SLC23A2: variants seen among roughly 807,000 people sequenced by gnomAD.
The protein encoded by SLC23A2 is solute carrier family 23 member 2.
SLC23A2 carries 36 observed loss-of-function variants against 73.3 expected under a neutral mutation model. The ratio of observed to expected loss-of-function variants is 0.49; its 90% confidence interval spans 0.38 to 0.65. SLC23A2 has a LOEUF of 0.65. Among genes scored for constraint, SLC23A2 ranks in the 30% least tolerant of loss-of-function variants. SLC23A2 has a pLI of 0.00. For missense variants in SLC23A2, 507 were observed against 841.6 expected (o/e 0.60, Z 4.92); for synonymous variants, 343 against 327.3 (o/e 1.05, Z -0.52).
intron 4 of SLC23A2, among the ~76,000 whole-genome samples, chr20:4,910,738 A>G (rs1446606107): frequency 1.3e-5 from 2 of 152,146 alleles, no homozygotes; most frequent in Non-Finnish European, 2.9e-5. Context: ...GCCCAGCCCA[A>G]CTAGCACTAT....
At chr20:4,924,544 C>T (rs1932607645) in intron 3 of SLC23A2, among the ~76,000 whole-genome samples, 1 of 152,212 alleles carries the variant, frequency 6.6e-6, no homozygotes, top group African/African-American at 2.4e-5. Flanking sequence ...CCCCACTAGG[C>T]AGAGCATGTC....
intron 3 of SLC23A2, among the ~76,000 whole-genome samples, chr20:4,931,764 G>T (rs1169293695): frequency 5.3e-5 from 8 of 151,856 alleles, no homozygotes; most frequent in Admixed American, 5.2e-4. Context: ...GCGAGGCCTT[G>T]TCTCAAAAAA....
intron 2 of SLC23A2, among the ~76,000 whole-genome samples, chr20:4,946,765 C>T (rs567675844): frequency 1.2e-4 from 19 of 152,196 alleles, no homozygotes; most frequent in African/African-American, 4.3e-4. Flanking sequence ...GGTGACAAGA[C>T]GATAACTCAT....
chr20:4,881,478 T>G (rs763603348), intron 9 of SLC23A2, among the ~76,000 whole-genome samples: 1 of 152,244 alleles, frequency 6.6e-6, no homozygotes, highest in African/African-American at 2.4e-5. Context: ...CTTTTTGTTT[T>G]AATTTGGGGG....
intron 11 of SLC23A2, among the ~76,000 whole-genome samples, chr20:4,871,102 T>C (rs1930429801): frequency 6.6e-6 from 1 of 152,186 alleles, no homozygotes; most frequent in Non-Finnish European, 1.5e-5. Flanking sequence ...ATAGACTCCT[T>C]TGATAAAGGA....
At chr20:4,860,869 C>T (rs1161206363) in intron 15 of SLC23A2, among the ~76,000 whole-genome samples, 1 of 152,230 alleles carries the variant, frequency 6.6e-6, no homozygotes, top group East Asian at 1.9e-4. Flanking sequence ...GGTGAAACCC[C>T]GTCTCTACTA....
chr20:4,938,616 T>G (rs562062180), intron 2 of SLC23A2, among the ~76,000 whole-genome samples: 1 of 152,170 alleles, frequency 6.6e-6, no homozygotes, highest in Non-Finnish European at 1.5e-5. Flanking sequence ...TGAGCCACCA[T>G]GCCGGGCCCC....
Position 4,853,259 on chromosome 20 carries a change from C to T in SLC23A2, c.*3713G>A, listed in dbSNP as rs1288937239. The stretch of plus-strand genomic sequence containing the variant: ...GCCTATGCCTATAGCGAGTGTACAC[C>T]CCATGCACGGCCATCCCCCAGGATG... On this transcript the variant is annotated 3_prime_UTR_variant, in exon 17 of 17. Coordinates refer to ENST00000338244, the MANE Select transcript of SLC23A2 (RefSeq NM_005116.6). 1 of 152,512 alleles carries T rather than the reference C, an allele frequency of 6.6e-6. No individual in the cohort carries two copies. The highest frequency in any genetic ancestry group is 2.4e-5 in the African/African-American group (1 of 41,454). The allele number at this position is 152,512 out of a possible 1,614,324, so 9.4% of individuals were successfully genotyped here.
chr20:4,871,158 G>T (rs1442811118), intron 11 of SLC23A2, among the ~76,000 whole-genome samples: 3 of 152,180 alleles, frequency 2.0e-5, no homozygotes, highest in Non-Finnish European at 1.5e-5. Context: ...CACTCACTGA[G>T]CAGAAAGCAC....
At chr20:5,001,135 G>A (rs1487445253) in intron 1 of SLC23A2, among the ~76,000 whole-genome samples, 1 of 151,794 alleles carries the variant, frequency 6.6e-6, no homozygotes. Flanking sequence ...GCGGGAAGGG[G>A]TGGGTACCCC....
In SLC23A2 at chr20:4,883,660, T is replaced by C; in HGVS notation, c.806A>G (p.His269Arg). The change falls in exon 9 of 17, where the codon CAC becomes CGC. Residue 269 changes from histidine to arginine, a missense_variant. Coordinates refer to ENST00000338244, the MANE Select transcript of SLC23A2 (RefSeq NM_005116.6). The surrounding 1 kb of genome is among the most constrained non-coding windows in gnomAD (Gnocchi z 4.5). ...CACTTACAGCATGGCAATGCCCCAG[T>C]GCTTCCCGGCTCTCTCCCCCGCTGC... ...FQAAGERAGK[H>R]WGIAMLTIFL... The C allele has an allele frequency of 6.2e-7, 1 of 1,612,144 alleles. No individual in the cohort carries two copies. The highest frequency in any genetic ancestry group is 8.5e-7 in the Non-Finnish European group (1 of 1,178,970).
At chr20:4,966,194 G>A (rs1041201723) in intron 2 of SLC23A2, among the ~76,000 whole-genome samples, 2 of 152,154 alleles carry the variant, frequency 1.3e-5, no homozygotes, top group Non-Finnish European at 1.5e-5. Context: ...ACTGGTTCAT[G>A]TGCATTTTCC....
chr20:4,912,430 T>C (rs373805824), intron 4 of SLC23A2, among the ~76,000 whole-genome samples: 184 of 152,222 alleles, frequency 1.2e-3, no homozygotes, highest in African/African-American at 4.2e-3. Context: ...TAACTTCACA[T>C]ATCATTTCAT....
chr20:4,962,393 G>A (rs2087407418), intron 2 of SLC23A2, among the ~76,000 whole-genome samples: 1 of 152,152 alleles, frequency 6.6e-6, no homozygotes, highest in Non-Finnish European at 1.5e-5. Flanking sequence ...AAAAGGACTG[G>A]GGAGGCAAGA....
chr20:4,887,868 A>G (rs1931167274), intron 6 of SLC23A2, among the ~76,000 whole-genome samples: 1 of 152,216 alleles, frequency 6.6e-6, no homozygotes, highest in South Asian at 2.1e-4. Flanking sequence ...TCTTAGGGAA[A>G]GTTGCAACAA....
chr20:4,882,232 G>A lies in SLC23A2; in HGVS notation c.824+1410C>T, dbSNP rs138991583. ...TCTACTAAAAATACAAAAACTAGCC[G>A]GGTGTGGTGGTGGGTGCTTGTAATC... On this transcript the variant is annotated intron_variant, in intron 9 of 16. Coordinates refer to ENST00000338244, the MANE Select transcript of SLC23A2 (RefSeq NM_005116.6). 9.2e-4 allele frequency among the ~76,000 whole-genome samples: 140 copies of A among 152,158 alleles called. 1 individual carries two copies. The highest frequency in any genetic ancestry group is 2.4e-3 in the African/African-American group (98 of 41,506).
At chr20:4,907,808 T>C (rs906139805) in intron 4 of SLC23A2, among the ~76,000 whole-genome samples, 2 of 152,084 alleles carry the variant, frequency 1.3e-5, no homozygotes, top group African/African-American at 4.8e-5. Context: ...CAGTATTCAA[T>C]GGATTAATGA....
rs113458828 is a variant in SLC23A2, at chr20:4,942,421, G to C, written c.-154-9705C>G. 5.6e-3 allele frequency among the ~76,000 whole-genome samples: 797 copies of C among 143,208 alleles called. 9 individuals are homozygous for C. The highest frequency in any genetic ancestry group is 0.02 in the African/African-American group (767 of 38,258). The allele number at this position is 143,208 out of a possible 152,430, so 94.0% of individuals were successfully genotyped here. On this transcript the variant is annotated intron_variant, in intron 2 of 16. Coordinates refer to ENST00000338244, the MANE Select transcript of SLC23A2 (RefSeq NM_005116.6). ...GTCGCCTGGAAATAAATGTAAACCT[G>C]ACAGATAAAAAAAATCAGCCATCTG...
intron 2 of SLC23A2, among the ~76,000 whole-genome samples, chr20:4,954,555 A>T (rs1176833006): frequency 6.6e-6 from 1 of 151,786 alleles, no homozygotes; most frequent in Non-Finnish European, 1.5e-5. Flanking sequence ...ACAATTAGCC[A>T]CGCGTGGTGG....
Sources: allele counts gnomAD v4.1 joint callset (sites outside exome capture counted in the v4.1 genomes callset), GRCh38; gene constraint gnomAD v4.1.1; non-coding constraint Gnocchi (gnomAD v3.1); transcripts MANE v1.5; gene names NCBI Gene and HGNC (gene_info 2026-07-23, HGNC 2026-07-21).